The following SERPINB4 variants were observed in gnomAD, a reference collection of about 807,000 sequenced individuals.
The protein encoded by SERPINB4 is serpin family B member 4.
SERPINB4 carries 39 observed loss-of-function variants against 33.2 expected under a neutral mutation model. The ratio of observed to expected loss-of-function variants is 1.18; its 90% CI spans 0.91 to 1.53. The LOEUF is 1.53. SERPINB4 is among the 40% of genes most tolerant of loss of function. The probability of loss-of-function intolerance (pLI) is 0.00; values close to 1 mark genes in which losing one functional copy is unlikely to be tolerated. For missense variants in SERPINB4, 564 were observed against 455.4 expected (o/e 1.24, Z -2.17); for synonymous variants, 191 against 166.4 (o/e 1.15, Z -1.14).
At chr18:63,638,198 G>A (rs1337341391) in intron 7 of SERPINB4, 75 bp from the exon 8 acceptor site, 3 of 1,487,160 alleles carry the variant, frequency 2.0e-6, no homozygotes, top group Non-Finnish European at 1.8e-6. Context: ...AATTGACTAT[G>A]TGGAGATTCG....
intron 5 of SERPINB4, among the ~76,000 whole-genome samples, chr18:63,640,598 G>A (rs1480007897): frequency 2.0e-5 from 3 of 152,006 alleles, no homozygotes; most frequent in African/African-American, 2.4e-5. Flanking sequence ...AGGCCTGAGC[G>A]GAGACAGGGG....
At position 63,639,098 on chromosome 18, in the gene SERPINB4, G is replaced by C. The variant is rs1057293775; in HGVS notation, c.768+87C>G. 10 of 1,390,484 alleles carry C rather than the reference G, an allele frequency of 7.2e-6. No individual in the cohort carries two copies. The Middle Eastern group carries it at 8.4e-4, about 116-fold the overall frequency. The allele number at this position is 1,390,484 out of a possible 1,614,324, so 86.1% of individuals were successfully genotyped here. On this transcript the variant is annotated intron_variant, in intron 7 of 7. Coordinates refer to ENST00000341074, the MANE Select transcript of SERPINB4 (RefSeq NM_002974.4). ...ATTTTTCATCATTTTGAGGCAACTCGGTCATAAGCTTTTACCTTGTTTAAA... is the reference window on the plus strand; with the variant it reads ...ATTTTTCATCATTTTGAGGCAACTCCGTCATAAGCTTTTACCTTGTTTAAA...
intron 5 of SERPINB4, 152 bp downstream of exon 5, chr18:63,640,722 C>T: frequency 3.2e-6 from 2 of 633,364 alleles, no homozygotes; most frequent in Non-Finnish European, 5.6e-6. Flanking sequence ...TCTTCATATT[C>T]ATTTGGACAA....
chr18:63,642,023 G>A (rs1913151939), intron 3 of SERPINB4, 135 bp from the exon 4 acceptor site: 14 of 1,332,252 alleles, frequency 1.1e-5, no homozygotes, highest in Admixed American at 2.0e-5. Context: ...CTGATAATTG[G>A]TGTATTTCAC....
At chr18:63,638,948 G>C (rs1013183789) in intron 7 of SERPINB4, among the ~76,000 whole-genome samples, 1 of 151,706 alleles carries the variant, frequency 6.6e-6, no homozygotes, top group Non-Finnish European at 1.5e-5. Context: ...GTACCCTAAA[G>C]CTTAAAGTAT....
chr18:63,638,090 C>T lies in SERPINB4; in HGVS notation c.802G>A (p.Glu268Lys), dbSNP rs2144462686. 1 of 1,613,250 alleles carries T rather than the reference C, an allele frequency of 6.2e-7. No individual in the cohort carries two copies. Among genetic ancestry groups the T allele is most frequent in the South Asian group, 1.1e-5 (1 of 91,030 alleles). Reference sequence around the variant, plus strand: ...CTCATATTCTGCAAACTTGTCCATTCCATCAATTTCTCAGCAGTGAGTTTC... The same window carrying T: ...CTCATATTCTGCAAACTTGTCCATTTCATCAATTTCTCAGCAGTGAGTTTC... The part of the protein sequence containing the change: ...EEKLTAEKLM[E>K]WTSLQNMRET... Residue 268 changes from glutamate (E) to lysine (K), a missense_variant, in exon 8 of 8, where the codon GAA (glutamate) becomes AAA (lysine). Transcript: ENST00000341074.
chr18:63,642,984 G>C (rs780358845), intron 3 of SERPINB4, 177 bp downstream of exon 3: 4 of 717,832 alleles, frequency 5.6e-6, no homozygotes, highest in Admixed American at 5.4e-5. Context: ...TTTTAGTAAC[G>C]CAGAAATGAG....
At chr18:63,639,153 T>C (rs1913037450) in intron 7 of SERPINB4, 32 bp downstream of exon 7, 2 of 1,552,422 alleles carry the variant, frequency 1.3e-6, no homozygotes, top group African/African-American at 1.4e-5. Context: ...TGTCCGGCAG[T>C]AGAAGGAAGA....
chr18:63,637,672 C>A lies in SERPINB4; in HGVS notation c.*47G>T. 1 of 1,520,216 alleles carries A rather than the reference C, an allele frequency of 6.6e-7. No individual in the cohort carries two copies. The highest frequency in any genetic ancestry group is 8.8e-7 in the Non-Finnish European group (1 of 1,132,874). The allele number at this position is 1,520,216 out of a possible 1,614,324, so 94.2% of individuals were successfully genotyped here. ...GTTGCCAGCAATCAGTTTACCAGAA[C>A]ACCTCTAGGTGAACATTTTCTAAAT... On this transcript the variant is annotated 3_prime_UTR_variant, in exon 8 of 8. Coordinates refer to ENST00000341074, the MANE Select transcript of SERPINB4 (RefSeq NM_002974.4).
At chr18:63,643,358 C>A in intron 2 of SERPINB4, 55 bp downstream of exon 2, 1 of 1,611,288 alleles carries the variant, frequency 6.2e-7, no homozygotes, top group Non-Finnish European at 8.5e-7. Context: ...TGCGTGCTAG[C>A]CGACGGAACC....
chr18:63,641,784 T>C lies in SERPINB4; in HGVS notation c.327A>G (p.Gly109=), dbSNP rs1355754689. 4 of 1,613,294 alleles carry C rather than the reference T, an allele frequency of 2.5e-6. No individual in the cohort carries two copies. The highest frequency in any genetic ancestry group is 3.4e-6 in the Non-Finnish European group (4 of 1,179,512). ...YELKIANKLF[G]EKTYQFLQEY... ...CCTGTAAAAATTGATACGTCTTTTC[T>C]CCGAAGAGCTTGTTGGCGATCTTCA... The change falls in exon 4 of 8, where the codon GGA becomes GGG. Residue 109 remains glycine, a synonymous_variant. Transcript: ENST00000341074.
At chr18:63,643,702 A>G (rs1399916262) in intron 1 of SERPINB4, 99 bp from the exon 2 acceptor site, 2 of 1,320,886 alleles carry the variant, frequency 1.5e-6, no homozygotes, top group Non-Finnish European at 2.1e-6. Context: ...GGGTTGTGAG[A>G]TTTTGACATT....
At chr18:63,639,908 C>T (rs1229119512) in intron 5 of SERPINB4, 132 bp from the exon 6 acceptor site, 11 of 848,922 alleles carry the variant, frequency 1.3e-5, no homozygotes, top group Admixed American at 7.4e-5. Context: ...TGACTTTGAT[C>T]TTTGAATTGT....
chr18:63,638,458 A>C (rs1429093485), intron 7 of SERPINB4, among the ~76,000 whole-genome samples: 1 of 151,972 alleles, frequency 6.6e-6, no homozygotes, highest in Admixed American at 6.6e-5. Flanking sequence ...ATGTATCACT[A>C]TTTCTTGTGC....
rs916102139 is a variant in SERPINB4, at chr18:63,639,099, G to A, written c.768+86C>T. The stretch of plus-strand genomic sequence containing the variant: ...TTTTTCATCATTTTGAGGCAACTCG[G>A]TCATAAGCTTTTACCTTGTTTAAAC... On this transcript the variant is annotated intron_variant, in intron 7 of 7. Coordinates refer to ENST00000341074, the MANE Select transcript of SERPINB4 (RefSeq NM_002974.4). The A allele has an allele frequency of 2.1e-6, 3 of 1,408,264 alleles. No homozygotes were observed. The East Asian group carries it at 7.2e-5, about 34-fold the overall frequency. The allele number at this position is 1,408,264 out of a possible 1,614,324, so 87.2% of individuals were successfully genotyped here.
intron 6 of SERPINB4, 26 bp downstream of exon 6, chr18:63,639,608 C>T (rs1213188930): frequency 7.1e-7 from 1 of 1,401,764 alleles, no homozygotes; most frequent in East Asian, 2.3e-5. Flanking sequence ...ACATATTACA[C>T]TATATAAATA....
chr18:63,638,256 A>G (rs999598710), intron 7 of SERPINB4, 133 bp from the exon 8 acceptor site: 1 of 1,011,580 alleles, frequency 9.9e-7, no homozygotes, highest in African/African-American at 1.6e-5. Flanking sequence ...TTTAATAGAC[A>G]TTATTATTCT....
At position 63,638,468 on chromosome 18, in the gene SERPINB4, C is replaced by T. The variant is rs546939843; in HGVS notation, c.769-345G>A. The stretch of plus-strand genomic sequence containing the variant: ...ACTGTATGTATCACTATTTCTTGTG[C>T]CAACAGCCTACTACATGTGTCAATT... On this transcript the variant is annotated intron_variant, in intron 7 of 7. Coordinates refer to ENST00000341074, the MANE Select transcript of SERPINB4 (RefSeq NM_002974.4). 2.0e-4 allele frequency among the ~76,000 whole-genome samples: 30 copies of T among 151,940 alleles called. 1 individual carries two copies. Among genetic ancestry groups the T allele is most frequent in the African/African-American group, 7.0e-4 (29 of 41,484 alleles).
chr18:63,640,990 T>G lies in SERPINB4; in HGVS notation c.353A>C (p.Glu118Ala), dbSNP rs775341950. ...FGEKTYQFLQ[E>A]YLDAIKKFYQ... Reference sequence around the variant, plus strand: ...AAATTTCTTGATGGCATCTAAATATTCCTTTGAGATATGAAGGAAGAAGTA... The same window carrying G: ...AAATTTCTTGATGGCATCTAAATATGCCTTTGAGATATGAAGGAAGAAGTA... Residue 118 changes from glutamate (E) to alanine (A), a missense_variant and splice_region_variant, in exon 5 of 8, where the codon GAA becomes GCA. Physicochemically the swap from Glu to Ala is moderately radical, Grantham distance 107. Transcript: ENST00000341074. 5 of 1,608,492 alleles carry G rather than the reference T, an allele frequency of 3.1e-6. No homozygotes were observed. The highest frequency in any genetic ancestry group is 4.3e-6 in the Non-Finnish European group (5 of 1,175,516).
Sources: allele counts gnomAD v4.1 joint callset (sites outside exome capture counted in the v4.1 genomes callset), GRCh38; gene constraint gnomAD v4.1.1; transcripts MANE v1.5; gene names NCBI Gene and HGNC (gene_info 2026-07-23, HGNC 2026-07-21).